The following KDM3A variants were observed in gnomAD, a reference collection of about 807,000 sequenced individuals.
KDM3A encodes lysine demethylase 3A.
In KDM3A, 60 loss-of-function variants were observed where a neutral mutation model predicts 158.0. The ratio of observed to expected loss-of-function variants is 0.38; its 90% CI spans 0.31 to 0.47. The LOEUF (loss-of-function observed/expected upper bound fraction) is 0.47, where lower values mean the gene tolerates loss of function less well. Ranked by LOEUF, KDM3A falls within the 20% of genes least tolerant of loss-of-function variation. KDM3A has a pLI of 0.99. For missense variants in KDM3A, 1,319 were observed against 1,574.3 expected, an observed-to-expected ratio of 0.84 and a Z score of 2.74; for synonymous variants, 608 against 549.3, an observed-to-expected ratio of 1.11 and a Z score of -1.49.
At chr2:86,474,002 C>G (rs1200518001) in intron 11 of KDM3A, among the ~76,000 whole-genome samples, 5 of 152,196 alleles carry the variant, frequency 3.3e-5, no homozygotes, top group Admixed American at 1.3e-4. Context: ...CAGTGACTAT[C>G]TAGGGGTTAC....
intron 3 of KDM3A, 64 bp downstream of exon 3, chr2:86,450,026 A>G: frequency 6.7e-7 from 1 of 1,485,230 alleles, no homozygotes; most frequent in South Asian, 1.3e-5. Flanking sequence ...GTGGGTACAA[A>G]AGGAATATGT....
intron 9 of KDM3A, 44 bp from the exon 10 acceptor site, chr2:86,466,328 T>G (rs748266322): frequency 1.9e-6 from 3 of 1,548,134 alleles, no homozygotes; most frequent in African/African-American, 1.4e-5. Context: ...AATGGAGAGA[T>G]AAAAAGAGGC....
intron 3 of KDM3A, among the ~76,000 whole-genome samples, chr2:86,450,227 TGTTTG>T (rs1672385910): frequency 6.6e-6 from 1 of 152,240 alleles, no homozygotes; most frequent in African/African-American, 2.4e-5. Flanking sequence ...CATATAGATC[TGTTTG>T]GTTTGGCCCT....
intron 25 of KDM3A, chr2:86,491,626 TTAGG>T (rs1285218415): frequency 1.2e-5 from 4 of 328,104 alleles, no homozygotes; most frequent in African/African-American, 8.4e-5. Flanking sequence ...CTCATCACTC[TTAGG>T]TAGAGCAGAA....
intron 1 of KDM3A, 113 bp downstream of exon 1, chr2:86,441,557 G>C (rs2104612176): frequency 6.6e-6 from 1 of 151,412 alleles, no homozygotes; most frequent in East Asian, 2.0e-4. Flanking sequence ...CGGGCGCCCG[G>C]GGTTCGGGGC....
At chr2:86,450,020 G>A in intron 3 of KDM3A, 58 bp downstream of exon 3, 1 of 1,499,538 alleles carries the variant, frequency 6.7e-7, no homozygotes, top group Non-Finnish European at 9.0e-7. Flanking sequence ...TCCATTGTGG[G>A]TACAAAAGGA....
Position 86,464,110 on chromosome 2 carries a change from C to G in KDM3A, c.901C>G (p.Leu301Val). 6.2e-7 allele frequency: 1 copy of G among 1,612,910 alleles called. No individual in the cohort carries two copies. Among genetic ancestry groups the G allele is most frequent in the Non-Finnish European group, 8.5e-7 (1 of 1,179,186 alleles). ...ACCTACAACAGTTTTTAAGGAGATA[C>G]TGCTTGGCTGTACTGCGGCAACTCC... is the stretch of plus-strand genomic sequence containing the variant. ...SVPTTVFKEI[L>V]LGCTAATPPS... The change falls in exon 9 of 26, where the codon CTG becomes GTG. Residue 301 changes from leucine to valine, a missense_variant. This residue lies in a region of KDM3A where 652 missense variants were observed against 627.2 expected (regional missense o/e 1.04). Transcript: ENST00000312912.
chr2:86,491,416 G>C, intron 25 of KDM3A, 141 bp downstream of exon 25: 1 of 756,234 alleles, frequency 1.3e-6, no homozygotes, highest in Non-Finnish European at 2.2e-6. Context: ...TTTATATCTA[G>C]TACTACTATC....
chr2:86,454,415 C>A (rs368554142), intron 4 of KDM3A, among the ~76,000 whole-genome samples: 25 of 152,184 alleles, frequency 1.6e-4, no homozygotes, highest in African/African-American at 6.0e-4. Context: ...AAAGGGCTGC[C>A]CATTATCAGT....
chr2:86,461,223 T>C (rs781287076), intron 8 of KDM3A, among the ~76,000 whole-genome samples: 1 of 152,098 alleles, frequency 6.6e-6, no homozygotes, highest in African/African-American at 2.4e-5. Context: ...TTGCCACTGC[T>C]CTCCAAATCT....
In KDM3A at chr2:86,492,110, C is replaced by G. The variant is rs34633400; in HGVS notation, c.3957C>G (p.Gly1319=). The G allele has an allele frequency of 1.3e-3, 2,021 of 1,611,222 alleles. 28 individuals carry two copies. The African/African-American group carries it at 0.025, about 20-fold the overall frequency. ...TGAAAGCCAGTGAATCCAGTTTTGG[C>G]AAACCTTAATCTCCCTGCACATTGG... is the stretch of plus-strand genomic sequence containing the variant. ...AMLKASESSF[G]KP The change falls in exon 26 of 26, where the codon GGC becomes GGG. Residue 1319 remains glycine (G), a synonymous_variant. Coordinates refer to ENST00000312912, the MANE Select transcript of KDM3A (RefSeq NM_018433.6).
intron 16 of KDM3A, among the ~76,000 whole-genome samples, chr2:86,480,614 C>G (rs1424887028): frequency 6.6e-6 from 1 of 152,108 alleles, no homozygotes; most frequent in Non-Finnish European, 1.5e-5. Context: ...TTCTTTCATG[C>G]AAAGATCTGG....
chr2:86,475,939 C>T (rs1196221837), intron 12 of KDM3A, among the ~76,000 whole-genome samples: 2 of 152,172 alleles, frequency 1.3e-5, no homozygotes, highest in Non-Finnish European at 2.9e-5. Flanking sequence ...GTCCAAGGAA[C>T]AGGACTAGGT....
Position 86,491,598 on chromosome 2 carries a change from C to T in KDM3A, c.3885+323C>T, listed in dbSNP as rs879540338. ...CGGGGTCTTGAACACAGTGCTTAAC[C>T]TTCAGTGCTGCAGTGTTCTCATCAC... On this transcript the variant is annotated intron_variant, in intron 25 of 25. Transcript: ENST00000312912. 518 of 375,530 alleles carry T rather than the reference C, an allele frequency of 1.4e-3. 1 individual carries two copies. Among genetic ancestry groups the T allele is most frequent in the African/African-American group, 6.9e-3 (343 of 49,616 alleles). 23.3% of individuals were successfully genotyped at this position (375,530 alleles called of 1,614,324 possible).
chr2:86,475,091 A>G, intron 12 of KDM3A, 101 bp downstream of exon 12: 1 of 929,030 alleles, frequency 1.1e-6, no homozygotes, highest in Non-Finnish European at 1.7e-6. Context: ...TTCACCCAGA[A>G]GTTTAGATAA....
intron 23 of KDM3A, 86 bp downstream of exon 23, chr2:86,489,745 A>AG: frequency 6.9e-7 from 1 of 1,444,960 alleles, no homozygotes; most frequent in Middle Eastern, 1.8e-4. Context: ...TGGCTTGGCT[A>AG]GGGGAATTGT....
intron 23 of KDM3A, 153 bp from the exon 24 acceptor site, chr2:86,490,728 T>G (rs1674412388): frequency 1.8e-6 from 1 of 566,854 alleles, no homozygotes; most frequent in South Asian, 2.5e-5. Context: ...TCAGCTGAAG[T>G]CTTTGATACT....
At position 86,485,495 on chromosome 2, in the gene KDM3A, T is replaced by C. The variant is rs149212600; in HGVS notation, c.3183-234T>C. ...TAACTTTTTGTCTAGAATTTATTGC[T>C]GAGATCTTTTGTCTGAACGGTTACA... is the stretch of plus-strand genomic sequence containing the variant. On this transcript the variant is annotated intron_variant, in intron 20 of 25. Transcript: ENST00000312912. 3.2e-3 allele frequency among the ~76,000 whole-genome samples: 486 copies of C among 152,348 alleles called. 2 individuals are homozygous for C. The highest frequency in any genetic ancestry group is 0.011 in the African/African-American group (459 of 41,592).
In KDM3A at chr2:86,480,172, T is replaced by C; in HGVS notation, c.2322T>C (p.Ser774=). ...PASKEDLKQT[S]LAGEKPTLGA... ...TCCTTTAATGCTTAACACAGACTTC[T>C]TTAGCTGGAGAAAAACCGACTCTTG... The change falls in exon 16 of 26, where the codon TCT becomes TCC. Residue 774 remains serine, a synonymous_variant. Transcript: ENST00000312912. 1 of 1,612,296 alleles carries C rather than the reference T, an allele frequency of 6.2e-7. No homozygotes were observed. The highest frequency in any genetic ancestry group is 8.5e-7 in the Non-Finnish European group (1 of 1,179,684).
Sources: gnomAD v4.1 joint callset for allele counts (sites outside exome capture counted in the v4.1 genomes callset) on GRCh38, gnomAD v4.1.1 for gene constraint, gnomAD v4.1.1 regional missense constraint, MANE v1.5 for transcripts, NCBI Gene and HGNC (gene_info 2026-07-23, HGNC 2026-07-21) for gene names.